Variants in KAT14 observed in about 807,000 individuals in gnomAD.
The protein encoded by KAT14 is cysteine-rich protein 2-binding protein.
In KAT14, 66 loss-of-function variants were observed where a neutral mutation model predicts 78.4. That is an observed-to-expected ratio of 0.84 (90% CI 0.69 to 1.03). The LOEUF is 1.03. Ranked by LOEUF, KAT14 falls within the 50% of genes least tolerant of loss-of-function variation. The pLI, the probability that KAT14 is intolerant of heterozygous loss-of-function variation, is 0.00. For synonymous variants in KAT14, 344 were observed against 359.4 expected, an observed-to-expected ratio of 0.96 and a Z score of 0.48; for missense variants, 870 against 972.5, an observed-to-expected ratio of 0.89 and a Z score of 1.40.
chr20:18,137,803 C>T (rs549364620), upstream of KAT14: 7 of 784,438 alleles, frequency 8.9e-6, no homozygotes, highest in East Asian at 2.1e-4. Context: ...CTCTCGATTG[C>T]TCACGCCTGG....
chr20:18,181,315 G>A (rs1210889002), intron 7 of KAT14, among the ~76,000 whole-genome samples: 1 of 148,124 alleles, frequency 6.8e-6, no homozygotes, highest in East Asian at 2.0e-4. Flanking sequence ...ATAAAAATAT[G>A]ATACTAATTA....
In KAT14 at chr20:18,162,644, A is replaced by T. The variant is rs775781896; in HGVS notation, c.1367A>T (p.Glu456Val). ...PQLEKDTKPK[E>V]PRYTPVSIYE... ...CTGGAGAAGGACACAAAGCCGAAAG[A>T]GCCCAGGTATACTCCCGTGAGCATC... is the stretch of plus-strand genomic sequence containing the variant. The change falls in exon 7 of 11, where the codon GAG becomes GTG. Residue 456 changes from glutamate to valine, a missense_variant. Coordinates refer to ENST00000688188, the MANE Select transcript of KAT14 (RefSeq NM_001392073.1). 2 of 1,614,138 alleles carry T rather than the reference A, an allele frequency of 1.2e-6. No individual in the cohort carries two copies. Among genetic ancestry groups the T allele is most frequent in the Non-Finnish European group, 1.7e-6 (2 of 1,180,052 alleles).
At position 18,187,724 on chromosome 20, in the gene KAT14, C is replaced by T. The variant is rs933970658; in HGVS notation, c.*265C>T. ...TATTTATGAATGATGTCGTGATTCT[C>T]CCTCCACCTGACAGTTTGTAAGAGT... is the stretch of plus-strand genomic sequence containing the variant. On this transcript the variant is annotated 3_prime_UTR_variant, in exon 11 of 11. Coordinates refer to ENST00000688188, the MANE Select transcript of KAT14 (RefSeq NM_001392073.1). The T allele has an allele frequency of 2.2e-6, 1 of 454,448 alleles. No homozygotes were observed. Among genetic ancestry groups the T allele is most frequent in the Middle Eastern group, 6.1e-4 (1 of 1,640 alleles). The allele number at this position is 454,448 out of a possible 1,614,324, so 28.2% of individuals were successfully genotyped here. A position where few individuals can be genotyped will look rare whatever the true frequency, so the allele number is the denominator to read the frequency against.
intron 7 of KAT14, among the ~76,000 whole-genome samples, chr20:18,163,667 T>TC (rs2038530097): frequency 6.6e-6 from 1 of 152,230 alleles, no homozygotes; most frequent in Non-Finnish European, 1.5e-5. Flanking sequence ...TGCATGTTTT[T>TC]CTCTCTTCTC....
At chr20:18,151,950 C>A (rs1158291418) in intron 4 of KAT14, among the ~76,000 whole-genome samples, 1 of 149,898 alleles carries the variant, frequency 6.7e-6, no homozygotes, top group Non-Finnish European at 1.5e-5. Flanking sequence ...TTGCAGTGAG[C>A]CAAGATTGCG....
In KAT14 at chr20:18,159,039, A is replaced by G. The variant is rs201949738; in HGVS notation, c.501-45A>G. The G allele has an allele frequency of 9.6e-6, 15 of 1,566,382 alleles. No individual in the cohort carries two copies. In the East Asian group the frequency reaches 2.5e-4, roughly 26 times the overall value. Reference sequence around the variant, plus strand: ...TATACACAGACTGTCTTTTCTGTATAATGAGCAAAAGTGCCAATCATTTTT... The same window carrying G: ...TATACACAGACTGTCTTTTCTGTATGATGAGCAAAAGTGCCAATCATTTTT... On this transcript the variant is annotated intron_variant, in intron 4 of 10. Transcript: ENST00000688188.
chr20:18,138,165 G>A, intron 1 of KAT14, 114 bp downstream of exon 1: 1 of 1,337,770 alleles, frequency 7.5e-7, no homozygotes, highest in Non-Finnish European at 9.6e-7. Flanking sequence ...TTCCCCCGCG[G>A]TGGCGCGGCC....
chr20:18,140,274 CAGT>C (rs745943260), intron 1 of KAT14, among the ~76,000 whole-genome samples: 1 of 151,790 alleles, frequency 6.6e-6, no homozygotes, highest in Non-Finnish European at 1.5e-5. Context: ...GTTTTTGTCT[CAGT>C]GGTGATCTTG....
intron 3 of KAT14, among the ~76,000 whole-genome samples, chr20:18,148,845 C>T (rs562159571): frequency 3.3e-4 from 50 of 151,456 alleles, no homozygotes; most frequent in Middle Eastern, 3.4e-3. Flanking sequence ...CCTGACCTCA[C>T]GTGATTCACC....
chr20:18,175,972 C>T (rs1335584115), intron 7 of KAT14, among the ~76,000 whole-genome samples: 2 of 149,034 alleles, frequency 1.3e-5, no homozygotes, highest in East Asian at 2.0e-4. Flanking sequence ...CATGCCACTG[C>T]ACTCCAGCGT....
rs544118339 is a variant in KAT14 at position 18,183,628 on chromosome 20, G to A, written c.1981+330G>A. On this transcript the variant is annotated intron_variant, in intron 9 of 10. Transcript: ENST00000688188. ...CAGACTGGTAGCTTGGGCGTGTTTGGACACTTTTGTTTTTGGCTTAATAAT... is the reference window on the plus strand; with the variant it reads ...CAGACTGGTAGCTTGGGCGTGTTTGAACACTTTTGTTTTTGGCTTAATAAT... The A allele has an allele frequency of 1.4e-5, 11 of 765,558 alleles. No individual in the cohort carries two copies. In the East Asian group the frequency reaches 1.3e-3, roughly 90 times the overall value. The allele number at this position is 765,558 out of a possible 1,614,324, so 47.4% of individuals were successfully genotyped here. A position where few individuals can be genotyped will look rare whatever the true frequency, so the allele number is the denominator to read the frequency against.
intron 1 of KAT14, among the ~76,000 whole-genome samples, chr20:18,139,650 GTGTGTGTGTGTGTGTGTGTGTGTGTT>G (rs1195012284): frequency 5.5e-5 from 6 of 108,954 alleles, no homozygotes; most frequent in East Asian, 6.0e-4. Context: ...GTGTGTGTGT[GTGTGTGTGTGTGTGTGTGTGTGTGTT>G]TATTTTTTTT....
At chr20:18,144,992 C>G (rs1288912768) in intron 2 of KAT14, 1 of 973,374 alleles carries the variant, frequency 1.0e-6, no homozygotes, top group Non-Finnish European at 1.3e-6. Flanking sequence ...ACAATACCTG[C>G]TTTTCCAGTA....
intron 1 of KAT14, 21 bp from the exon 2 acceptor site, chr20:18,142,187 A>G (rs2037612591): frequency 1.3e-6 from 2 of 1,534,354 alleles, no homozygotes; most frequent in Non-Finnish European, 1.7e-6. Flanking sequence ...TGTTACTGAA[A>G]TCTGTTTCTT....
At chr20:18,172,360 AAAGTG>A (rs1476233180) in intron 7 of KAT14, among the ~76,000 whole-genome samples, 1 of 150,728 alleles carries the variant, frequency 6.6e-6, no homozygotes. Flanking sequence ...TCGGCCTCCC[AAAGTG>A]CTGGAATTAC....
In KAT14 at chr20:18,187,558, T is replaced by C; in HGVS notation, c.*99T>C. ...TGATTTCACAGGGAGCTCTAATCTCTGTGATTACATGGTCCTTCAAACTCC... is the reference window on the plus strand; with the variant it reads ...TGATTTCACAGGGAGCTCTAATCTCCGTGATTACATGGTCCTTCAAACTCC... On this transcript the variant is annotated 3_prime_UTR_variant, in exon 11 of 11. Transcript: ENST00000688188. 1.9e-6 allele frequency: 3 copies of C among 1,550,234 alleles called. No individual in the cohort carries two copies. Among genetic ancestry groups the C allele is most frequent in the Non-Finnish European group, 2.6e-6 (3 of 1,151,544 alleles).
chr20:18,181,364 C>CTTTTTTTTTTTTTTTTTTTT (rs762890490), intron 7 of KAT14, among the ~76,000 whole-genome samples: 3 of 106,800 alleles, frequency 2.8e-5, no homozygotes, highest in Admixed American at 1.1e-4. Flanking sequence ...AATTTTGTTT[C>CTTTTTTTTTTTTTTTTTTTT]TTTTTTTTTT....
Position 18,142,257 on chromosome 20 carries a change from A to G in KAT14, c.-404A>G, listed in dbSNP as rs1377435859. ...GACATTGAGAGGCAAATTCGGAAAAAAGAAAACATTCGTCTTTTGGGAGAA... is the reference window on the plus strand; with the variant it reads ...GACATTGAGAGGCAAATTCGGAAAAGAGAAAACATTCGTCTTTTGGGAGAA... On this transcript the variant is annotated 5_prime_UTR_variant, in exon 2 of 11. Coordinates refer to ENST00000688188, the MANE Select transcript of KAT14 (RefSeq NM_001392073.1). The G allele has an allele frequency of 6.5e-7, 1 of 1,537,204 alleles. No homozygotes were observed. The highest frequency in any genetic ancestry group is 8.7e-7 in the Non-Finnish European group (1 of 1,146,904).
chr20:18,146,228 G>GTA, intron 3 of KAT14, among the ~76,000 whole-genome samples: 3 of 152,294 alleles, frequency 2.0e-5, no homozygotes, highest in Admixed American at 2.0e-4. Context: ...AGGCATCAGT[G>GTA]TATACTTTTT....
Sources: gnomAD v4.1 joint callset for allele counts (sites outside exome capture counted in the v4.1 genomes callset) on GRCh38, gnomAD v4.1.1 for gene constraint, MANE v1.5 for transcripts, NCBI Gene and HGNC (gene_info 2026-07-23, HGNC 2026-07-21) for gene names.